Variants in RBFOX3 observed in about 807,000 individuals in gnomAD.
RBFOX3 encodes RNA binding protein fox-1 homolog 3.
In RBFOX3, 17 loss-of-function variants were observed where a neutral mutation model predicts 48.7. The ratio of observed to expected loss-of-function variants is 0.35; its 90% CI spans 0.24 to 0.52. The LOEUF (loss-of-function observed/expected upper bound fraction) is 0.52, where lower values mean the gene tolerates loss of function less well. RBFOX3 is among the 20% of genes least tolerant of loss of function. RBFOX3 has a pLI of 0.94. For missense variants in RBFOX3, 382 were observed against 497.5 expected (o/e 0.77, Z 2.21); for synonymous variants, 212 against 209.5 (o/e 1.01, Z -0.10).
In RBFOX3 at chr17:79,480,237, C is replaced by T. The variant is rs1343810330; in HGVS notation, c.-175+2217G>A. 6.6e-6 allele frequency among the ~76,000 whole-genome samples: 1 copy of T among 152,238 alleles called. No individual in the cohort carries two copies. The highest frequency in any genetic ancestry group is 1.9e-4 in the East Asian group (1 of 5,170). On this transcript the variant is annotated intron_variant, in intron 2 of 14. Transcript: ENST00000693108. The surrounding 1 kb of genome is among the most constrained non-coding windows in gnomAD (Gnocchi z 4.8). ...CCCCGAGGGGGCCCCTGATGGTTTA[C>T]GGAATGGGGTGACAGCCGTTTCAGC...
Position 79,115,579 on chromosome 17 carries a change from G to C in RBFOX3, c.137C>G (p.Thr46Ser), listed in dbSNP as rs2033682057. ...GTGGGTCTGTGCTGGTGTGTACAGGGTCATGCCATGCTCTGTGGGGACCGG... is the reference window on the plus strand; with the variant it reads ...GTGGGTCTGTGCTGGTGTGTACAGGCTCATGCCATGCTCTGTGGGGACCGG... ...QTPVPTEHGM[T>S]LYTPAQTHPE... The change falls in exon 5 of 15, where the codon ACC becomes AGC. Residue 46 changes from threonine to serine, a missense_variant. This residue lies in a region of RBFOX3 where 118 missense variants were observed against 132.1 expected (regional missense o/e 0.89). Transcript: ENST00000693108. 1 of 1,428,846 alleles carries C rather than the reference G, an allele frequency of 7.0e-7. No individual in the cohort carries two copies. The highest frequency in any genetic ancestry group is 9.2e-7 in the Non-Finnish European group (1 of 1,091,086). 88.5% of individuals were successfully genotyped at this position (1,428,846 alleles called of 1,614,324 possible).
At chr17:79,207,750 G>A (rs889721878) in intron 4 of RBFOX3, among the ~76,000 whole-genome samples, 2 of 152,070 alleles carry the variant, frequency 1.3e-5, no homozygotes, top group South Asian at 2.1e-4. Flanking sequence ...CTTTCCCGTC[G>A]GCCACTTGGA....
chr17:79,343,040 G>A (rs1389518074), intron 2 of RBFOX3, among the ~76,000 whole-genome samples: 1 of 152,100 alleles, frequency 6.6e-6, no homozygotes, highest in African/African-American at 2.4e-5. Context: ...GAAGAGTGTT[G>A]AGTTTTTCTT....
intron 4 of RBFOX3, among the ~76,000 whole-genome samples, chr17:79,219,964 C>T (rs569530859): frequency 4.6e-4 from 70 of 151,990 alleles, no homozygotes; most frequent in Non-Finnish European, 9.0e-4. Context: ...CGTCTGCATC[C>T]GAGGCCCACC....
At chr17:79,382,171 G>C (rs954029131) in intron 2 of RBFOX3, among the ~76,000 whole-genome samples, 2 of 152,184 alleles carry the variant, frequency 1.3e-5, no homozygotes, top group African/African-American at 4.8e-5. Flanking sequence ...GTTTCTCTGG[G>C]GCTCTTGTGC....
rs1598699139 is a variant in RBFOX3, at chr17:79,439,125, T to A, written c.-175+43329A>T. ...TGGCGCTGAGCAGGGCCCGGCGTGA[T>A]AAATAGCAGGAATAAAACCGAGAGA... On this transcript the variant is annotated intron_variant, in intron 2 of 14. Coordinates refer to ENST00000693108, the MANE Select transcript of RBFOX3 (RefSeq NM_001350451.2). Among the ~76,000 whole-genome samples the A allele has an allele frequency of 6.6e-5, 10 of 152,298 alleles. 3 individuals carry two copies. The highest frequency in any genetic ancestry group is 6.5e-4 in the Admixed American group (10 of 15,304).
the RBFOX3 span, among the ~76,000 whole-genome samples, chr17:79,664,723 A>T: frequency 6.6e-6 from 1 of 151,968 alleles, no homozygotes. Flanking sequence ...CTGTCCATAG[A>T]ACTCTTCCAT....
intron 2 of RBFOX3, among the ~76,000 whole-genome samples, chr17:79,333,215 G>A (rs2080679957): frequency 6.6e-6 from 1 of 152,162 alleles, no homozygotes; most frequent in African/African-American, 2.4e-5. Context: ...CAGCAGACCA[G>A]CTCACAGCCT....
At chr17:79,507,000 T>C (rs2149796384) in intron 1 of RBFOX3, among the ~76,000 whole-genome samples, 1 of 152,156 alleles carries the variant, frequency 6.6e-6, no homozygotes, top group South Asian at 2.1e-4. Context: ...GCCTGAGAAA[T>C]CGGGATCCAC....
chr17:79,386,834 A>C (rs750595564), intron 2 of RBFOX3, among the ~76,000 whole-genome samples: 1 of 152,234 alleles, frequency 6.6e-6, no homozygotes, highest in Non-Finnish European at 1.5e-5. Flanking sequence ...GCCTAGTGGC[A>C]GAAGGCCATC....
chr17:79,134,744 T>C (rs528775299), intron 4 of RBFOX3, among the ~76,000 whole-genome samples: 33 of 152,254 alleles, frequency 2.2e-4, no homozygotes, highest in Non-Finnish European at 3.8e-4. Flanking sequence ...GAAGAGGCAG[T>C]TCCCCCCTGC....
At chr17:79,197,072 C>T (rs773108771) in intron 4 of RBFOX3, among the ~76,000 whole-genome samples, 13 of 152,086 alleles carry the variant, frequency 8.5e-5, no homozygotes, top group Non-Finnish European at 1.8e-4. Flanking sequence ...CAGCTCCTTG[C>T]GTGTTGTTTT....
chr17:79,661,971 C>T, the RBFOX3 span, among the ~76,000 whole-genome samples: 3 of 151,858 alleles, frequency 2.0e-5, no homozygotes, highest in Admixed American at 2.0e-4. Flanking sequence ...TTTGATTGTG[C>T]CCATTGCTCT....
chr17:79,436,120 G>A (rs1389707343), intron 2 of RBFOX3, among the ~76,000 whole-genome samples: 10 of 152,182 alleles, frequency 6.6e-5, no homozygotes, highest in Non-Finnish European at 1.2e-4. Flanking sequence ...ACCACAGAGC[G>A]GGGTTCTAGA....
At chr17:79,416,985 CCTTGG>C (rs2065475687) in intron 2 of RBFOX3, among the ~76,000 whole-genome samples, 1 of 152,198 alleles carries the variant, frequency 6.6e-6, no homozygotes, top group Non-Finnish European at 1.5e-5. Flanking sequence ...GCCCCAGGCC[CCTTGG>C]CATGGTTTGC....
chr17:79,620,579 ACG>A, the RBFOX3 span, among the ~76,000 whole-genome samples: 39 of 88,658 alleles, frequency 4.4e-4, no homozygotes, highest in African/African-American at 1.4e-3. Flanking sequence ...GCGTGCACAC[ACG>A]CACGCACACA....
chr17:79,128,761 A>T (rs1426653657), intron 4 of RBFOX3, among the ~76,000 whole-genome samples: 1 of 151,924 alleles, frequency 6.6e-6, no homozygotes, highest in East Asian at 1.9e-4. Context: ...AGCTCAGGAG[A>T]CCTCTCACTC....
chr17:79,338,257 A>G (rs1181571129), intron 2 of RBFOX3, among the ~76,000 whole-genome samples: 1 of 152,054 alleles, frequency 6.6e-6, no homozygotes, highest in Non-Finnish European at 1.5e-5. Context: ...ATATTTTTTA[A>G]CGGGCTGGAA....
chr17:79,620,597 A>C, the RBFOX3 span, among the ~76,000 whole-genome samples: 1 of 144,032 alleles, frequency 6.9e-6, no homozygotes, highest in South Asian at 2.2e-4. Flanking sequence ...ACACACACGC[A>C]CGCACGCACA....
Sources: gnomAD v4.1 joint callset for allele counts (sites outside exome capture counted in the v4.1 genomes callset) on GRCh38, gnomAD v4.1.1 for gene constraint, gnomAD v4.1.1 regional missense constraint, Gnocchi (gnomAD v3.1) non-coding constraint, MANE v1.5 for transcripts, NCBI Gene and HGNC (gene_info 2026-07-23, HGNC 2026-07-21) for gene names.